The following DNAH5 variants were observed in gnomAD, a reference collection of about 807,000 sequenced individuals.
DNAH5 encodes the protein dynein axonemal heavy chain 5.
A neutral mutation model predicts 518.2 loss-of-function variants in DNAH5; 372 were observed. The ratio of observed to expected loss-of-function variants is 0.72; its 90% CI spans 0.66 to 0.78. The LOEUF is 0.78. Ranked by LOEUF, DNAH5 falls within the 30% of genes least tolerant of loss-of-function variation. The pLI is 0.00. For synonymous variants in DNAH5, 2,039 were observed against 2,025.9 expected, an observed-to-expected ratio of 1.01 and a Z score of -0.17; for missense variants, 5,523 against 5,687.0, an observed-to-expected ratio of 0.97 and a Z score of 0.93.
intron 68 of DNAH5, among the ~76,000 whole-genome samples, chr5:13,734,054 G>A (rs1210097452): frequency 6.6e-6 from 1 of 152,090 alleles, no homozygotes; most frequent in Admixed American, 6.6e-5. Flanking sequence ...TGACGGTCCT[G>A]GGAGGTGAGG....
chr5:13,809,041 T>C lies in DNAH5; in HGVS notation c.7752+3A>G, dbSNP rs200385399. 116 of 1,614,126 alleles carry C rather than the reference T, an allele frequency of 7.2e-5. No homozygotes were observed. In the East Asian group the frequency reaches 2.5e-3, roughly 35 times the overall value. On this transcript the variant is annotated splice_donor_region_variant and intron_variant, in intron 46 of 78. Transcript: ENST00000265104. ...TACAGTTAATAAAAATTAAAAGTCA[T>C]ACCTTGCCCTGTTTAGCAATGGTTT...
At chr5:13,805,252 C>A (rs776984558) in intron 47 of DNAH5, among the ~76,000 whole-genome samples, 7 of 152,190 alleles carry the variant, frequency 4.6e-5, no homozygotes, top group Non-Finnish European at 7.3e-5. Context: ...GTAATCCCAG[C>A]ACTTTGAGAG....
intron 5 of DNAH5, 56 bp downstream of exon 5, chr5:13,922,051 T>C: frequency 1.3e-6 from 2 of 1,551,248 alleles, no homozygotes; most frequent in Non-Finnish European, 8.9e-7. Flanking sequence ...CACACTTATG[T>C]ACTGTGCTTG....
intron 15 of DNAH5, among the ~76,000 whole-genome samples, chr5:13,895,524 T>G (rs1773798068): frequency 6.6e-6 from 1 of 152,132 alleles, no homozygotes; most frequent in Non-Finnish European, 1.5e-5. Context: ...GGGGACCTCT[T>G]GTAGACTACA....
rs1743047461 is a variant in DNAH5, at chr5:13,708,231, G to A, written c.13230C>T (p.Thr4410=). ...MQRVLSLVRS[T]LTELKLAIDG... Reference sequence around the variant, plus strand: ...CAATAGCAAGTTTCAGCTCAGTGAGGGTGCTGCGGACAAGGCTGAGTACCC... The same window carrying A: ...CAATAGCAAGTTTCAGCTCAGTGAGAGTGCTGCGGACAAGGCTGAGTACCC... The change falls in exon 76 of 79, where the codon ACC becomes ACT. Residue 4410 remains threonine, a synonymous_variant. Coordinates refer to ENST00000265104, the MANE Select transcript of DNAH5 (RefSeq NM_001369.3). 2 of 1,614,098 alleles carry A rather than the reference G, an allele frequency of 1.2e-6. No individual in the cohort carries two copies. Among genetic ancestry groups the A allele is most frequent in the Non-Finnish European group, 1.7e-6 (2 of 1,180,002 alleles).
Position 13,862,720 on chromosome 5 carries a change from TC to T in DNAH5, c.4623del (p.Arg1542GlufsTer7). 1 of 1,613,836 alleles carries T rather than the reference TC, an allele frequency of 6.2e-7. No homozygotes were observed. Among genetic ancestry groups the T allele is most frequent in the South Asian group, 1.1e-5 (1 of 91,080 alleles). ...IEDICISAVK[E>X]RDIEQKLKQV... ...TGCTTCAGCTTTTGCTCAATGTCTC[TC>T]TCTTTCACCGCACTGATACAGATGT... On this transcript the variant is annotated frameshift_variant, in exon 29 of 79. Transcript: ENST00000265104. LOFTEE classifies it high-confidence loss of function.
intron 47 of DNAH5, among the ~76,000 whole-genome samples, chr5:13,805,347 A>C (rs1328244153): frequency 1.3e-5 from 2 of 152,100 alleles, no homozygotes; most frequent in East Asian, 3.9e-4. Flanking sequence ...AAAATACAAA[A>C]ATTAGCGGGG....
chr5:13,788,498 T>C (rs1437355364), intron 51 of DNAH5, among the ~76,000 whole-genome samples: 1 of 152,174 alleles, frequency 6.6e-6, no homozygotes, highest in Non-Finnish European at 1.5e-5. Flanking sequence ...TACTTTAATA[T>C]CCAAGCGTGA....
chr5:13,878,901 C>T (rs1771261647), intron 21 of DNAH5, among the ~76,000 whole-genome samples: 1 of 152,200 alleles, frequency 6.6e-6, no homozygotes, highest in Non-Finnish European at 1.5e-5. Flanking sequence ...AAAATTGGAG[C>T]ATGCATTCAA....
chr5:13,704,601 C>G (rs1742542470), intron 76 of DNAH5, among the ~76,000 whole-genome samples: 1 of 152,212 alleles, frequency 6.6e-6, no homozygotes, highest in African/African-American at 2.4e-5. Context: ...ACATGCACCA[C>G]CCCCATTCCA....
rs199672743 is a variant in DNAH5, at chr5:13,721,015, C to A, written c.12264G>T (p.Gln4088His). ...TCAGCCTTACGTTCGCCATGGTCTG[C>A]TGCAAGAGCTTCCGAGCATGGACTT... Reference protein sequence around the residue: ...GQEVHARKLLQQTMANGGWAL... With the variant: ...GQEVHARKLLHQTMANGGWAL... The change falls in exon 71 of 79, where the codon CAG becomes CAT. Residue 4088 changes from glutamine to histidine, a missense_variant. By Grantham distance (24) the Gln-to-His change is conservative (BLOSUM62 0). Transcript: ENST00000265104. 9 of 1,614,128 alleles carry A rather than the reference C, an allele frequency of 5.6e-6. No individual in the cohort carries two copies. The African/African-American group carries it at 1.1e-4, about 19-fold the overall frequency.
chr5:13,812,946 G>A (rs562868159), intron 43 of DNAH5, among the ~76,000 whole-genome samples: 2 of 152,194 alleles, frequency 1.3e-5, no homozygotes, highest in South Asian at 2.1e-4. Context: ...ATTCTACCTC[G>A]ACAAAAACAT....
Position 13,820,405 on chromosome 5 carries a change from A to G in DNAH5, c.6782T>C (p.Leu2261Pro), listed in dbSNP as rs1006338926. 2 of 1,613,890 alleles carry G rather than the reference A, an allele frequency of 1.2e-6. No homozygotes were observed. The highest frequency in any genetic ancestry group is 2.2e-5 in the East Asian group (1 of 44,874). ...TQRVRHGMMT[L>P]GPSGAGKTTC... ...GGTCTTCCCAGCCCCACTGGGCCCCAGAGTCATCATCCCATGTCGCACTCT... is the reference window on the plus strand; with the variant it reads ...GGTCTTCCCAGCCCCACTGGGCCCCGGAGTCATCATCCCATGTCGCACTCT... Residue 2261 changes from leucine (L) to proline (P), a missense_variant, in exon 41 of 79, where the codon CTG becomes CCG. Leu to Pro is a moderately conservative substitution (Grantham distance 98). Around this residue, in one of 3 missense-constraint regions of DNAH5, gnomAD observed 5,121 missense variants for 5,223.3 expected, o/e 0.98. Transcript: ENST00000265104.
chr5:13,916,358 A>G lies in DNAH5; in HGVS notation c.1187T>C (p.Leu396Pro). 6.8e-7 allele frequency: 1 copy of G among 1,476,508 alleles called. No individual in the cohort carries two copies. The highest frequency in any genetic ancestry group is 9.5e-7 in the Non-Finnish European group (1 of 1,057,196). The allele number at this position is 1,476,508 out of a possible 1,614,324, so 91.5% of individuals were successfully genotyped here. ...ACATCATGCACTTACCTTTACAAACAGAGATGTGATCTTCTCAGAGGTATT... is the reference window on the plus strand; with the variant it reads ...ACATCATGCACTTACCTTTACAAACGGAGATGTGATCTTCTCAGAGGTATT... Reference protein sequence around the residue: ...YYNTSEKITSLFVKVTNQIIS... With the variant: ...YYNTSEKITSPFVKVTNQIIS... The change falls in exon 9 of 79, where the codon CTG becomes CCG. Residue 396 changes from leucine (L) to proline (P), a missense_variant. By Grantham distance (98) the Leu-to-Pro change is moderately conservative. Around this residue, in one of 3 missense-constraint regions of DNAH5, gnomAD observed 5,121 missense variants for 5,223.3 expected, o/e 0.98. Coordinates refer to ENST00000265104, the MANE Select transcript of DNAH5 (RefSeq NM_001369.3).
At chr5:13,815,467 G>A (rs986165631) in intron 42 of DNAH5, among the ~76,000 whole-genome samples, 1 of 152,122 alleles carries the variant, frequency 6.6e-6, no homozygotes, top group African/African-American at 2.4e-5. Flanking sequence ...GAACTCTCTT[G>A]CCCTTCTGCA....
chr5:13,972,177 C>G (rs1010630356), intron 1 of DNAH5, among the ~76,000 whole-genome samples: 1 of 152,184 alleles, frequency 6.6e-6, no homozygotes, highest in Non-Finnish European at 1.5e-5. Flanking sequence ...CGTGGGCCCC[C>G]AACAGCAGCA....
At chr5:13,816,019 G>A (rs957621472) in intron 42 of DNAH5, among the ~76,000 whole-genome samples, 4 of 152,280 alleles carry the variant, frequency 2.6e-5, no homozygotes, top group Admixed American at 2.6e-4. Context: ...AGCAGAAGTG[G>A]AAAAAGAGCT....
rs1236313049 is a variant in DNAH5 at position 13,927,820 on chromosome 5, A to C, written c.277+274T>G. On this transcript the variant is annotated intron_variant, in intron 3 of 78. Transcript: ENST00000265104. The stretch of plus-strand genomic sequence containing the variant: ...ACTTTATTATCTTCATTGCCAGCAC[A>C]GCCTGAGAAGGAATATGAGACAACT... Among the ~76,000 whole-genome samples, 4 of 152,346 alleles carry C rather than the reference A, an allele frequency of 2.6e-5. No individual in the cohort carries two copies. The South Asian group carries it at 6.2e-4, about 24-fold the overall frequency.
chr5:13,859,349 G>T, intron 30 of DNAH5, 103 bp downstream of exon 30: 1 of 1,227,114 alleles, frequency 8.1e-7, no homozygotes, highest in Non-Finnish European at 1.2e-6. Context: ...TTGAAGGAAG[G>T]GGGTTCAATA....
Sources: allele counts gnomAD v4.1 joint callset (sites outside exome capture counted in the v4.1 genomes callset), GRCh38; gene constraint gnomAD v4.1.1; regional missense constraint gnomAD v4.1.1; transcripts MANE v1.5; gene names NCBI Gene and HGNC (gene_info 2026-07-23, HGNC 2026-07-21).